The following ZFHX3 variants were observed in gnomAD, a reference collection of about 807,000 sequenced individuals.
ZFHX3 encodes the protein zinc finger homeobox protein 3.
A neutral mutation model predicts 279.1 loss-of-function variants in ZFHX3; 42 were observed. The observed-to-expected ratio is 0.15, with a 90% CI of 0.12 to 0.19. ZFHX3 has a LOEUF of 0.19. Ranked by LOEUF, ZFHX3 falls within the 10% of genes least tolerant of loss-of-function variation. The pLI is 1.00. For synonymous variants in ZFHX3, 2,293 were observed against 1,957.8 expected, an observed-to-expected ratio of 1.17 and a Z score of -4.52; for missense variants, 4,981 against 4,754.0, an observed-to-expected ratio of 1.05 and a Z score of -1.40.
intron 1 of ZFHX3, among the ~76,000 whole-genome samples, chr16:73,843,499 G>A (rs973565470): frequency 2.6e-5 from 4 of 152,168 alleles, no homozygotes; most frequent in Non-Finnish European, 4.4e-5. Context: ...GTCTTACAGC[G>A]GTGTAGAGAA....
intron 3 of ZFHX3, among the ~76,000 whole-genome samples, chr16:73,334,524 T>A (rs2015869483): frequency 6.6e-6 from 1 of 152,134 alleles, no homozygotes; most frequent in Non-Finnish European, 1.5e-5. Context: ...CTTCCCCTGC[T>A]GTCAACTTCC....
intron 2 of ZFHX3, among the ~76,000 whole-genome samples, chr16:73,483,059 C>G (rs1031106556): frequency 6.6e-6 from 1 of 152,196 alleles, no homozygotes; most frequent in Admixed American, 6.5e-5. Context: ...CCCTCTTCCC[C>G]CTCCATGGGG....
chr16:73,520,141 C>G lies in ZFHX3; in HGVS notation c.-1546-63883G>C, dbSNP rs144044960. On this transcript the variant is annotated intron_variant, in intron 2 of 17. Transcript: ENST00000641206. ...GTTTGAAATAGAAAAATGAGGCCTTCTTTAAGATAATGAACCCATTTTCAA... is the reference window on the plus strand; with the variant it reads ...GTTTGAAATAGAAAAATGAGGCCTTGTTTAAGATAATGAACCCATTTTCAA... Among the ~76,000 whole-genome samples, 449 of 152,218 alleles carry G rather than the reference C, an allele frequency of 2.9e-3. 1 individual carries two copies. The highest frequency in any genetic ancestry group is 4.4e-3 in the Non-Finnish European group (296 of 67,988).
chr16:73,355,662 G>T (rs778715522), intron 3 of ZFHX3, among the ~76,000 whole-genome samples: 1 of 152,210 alleles, frequency 6.6e-6, no homozygotes, highest in African/African-American at 2.4e-5. Context: ...AGGGAGGACA[G>T]ATCAAGGACC....
intron 3 of ZFHX3, among the ~76,000 whole-genome samples, chr16:73,351,743 TG>T (rs1226131804): frequency 6.6e-6 from 1 of 152,202 alleles, no homozygotes; most frequent in Non-Finnish European, 1.5e-5. Flanking sequence ...AAAGCCTTCT[TG>T]GCAGCACGGT....
intron 1 of ZFHX3, among the ~76,000 whole-genome samples, chr16:72,974,435 T>C (rs941801652): frequency 6.6e-6 from 1 of 152,006 alleles, no homozygotes; most frequent in Non-Finnish European, 1.5e-5. Flanking sequence ...AAACAAGGAG[T>C]GTGTTTTCCT....
chr16:73,448,935 T>A (rs1597339625), intron 3 of ZFHX3, among the ~76,000 whole-genome samples: 2 of 152,270 alleles, frequency 1.3e-5, no homozygotes, highest in East Asian at 3.9e-4. Context: ...GTCTTTTCCA[T>A]AACATCCAAA....
At position 73,645,447 on chromosome 16, in the gene ZFHX3, G is replaced by A. The variant is rs369119861; in HGVS notation, c.-1547+34733C>T. The stretch of plus-strand genomic sequence containing the variant: ...AATTTTTTGTATTTTTAGTAGAGAC[G>A]GGGTTTCACCATGTTAGCCAGGATG... On this transcript the variant is annotated intron_variant, in intron 2 of 17. Transcript: ENST00000641206. 1.0e-3 allele frequency among the ~76,000 whole-genome samples: 154 copies of A among 152,168 alleles called. 2 individuals carry two copies. The East Asian group carries it at 0.02, about 20-fold the overall frequency.
At chr16:73,564,980 C>T (rs74030113) in intron 2 of ZFHX3, among the ~76,000 whole-genome samples, 27 of 152,250 alleles carry the variant, frequency 1.8e-4, no homozygotes, top group African/African-American at 6.0e-4. Flanking sequence ...AGGCCAGGCA[C>T]GGTGGCTCAT....
At chr16:72,859,573 TAA>T (rs1292616287) in intron 4 of ZFHX3, among the ~76,000 whole-genome samples, 1 of 152,190 alleles carries the variant, frequency 6.6e-6, no homozygotes, top group East Asian at 1.9e-4. Flanking sequence ...TAGAGGGAAA[TAA>T]AGACGTTTAG....
At chr16:73,738,986 T>G (rs551145100) in intron 1 of ZFHX3, among the ~76,000 whole-genome samples, 3 of 152,228 alleles carry the variant, frequency 2.0e-5, no homozygotes, top group East Asian at 3.9e-4. Context: ...CAGACCAGAC[T>G]GTGGTGGTTC....
At position 72,787,950 on chromosome 16, in the gene ZFHX3, T is replaced by G; in HGVS notation, c.10326A>C (p.Pro3442=). Residue 3442 remains proline, a synonymous_variant, in exon 10 of 10, where the codon CCA becomes CCC. Transcript: ENST00000268489. ...SPLLPKLPEE[P]EAESKSADSL... ...AGTCCGCACTTTTGCTTTCTGCTTC[T>G]GGCTCTTCAGGGAGTTTCGGCAGGA... 1 of 1,613,778 alleles carries G rather than the reference T, an allele frequency of 6.2e-7. No individual in the cohort carries two copies. The highest frequency in any genetic ancestry group is 8.5e-7 in the Non-Finnish European group (1 of 1,179,942).
At chr16:73,805,005 A>T (rs914320329) in intron 1 of ZFHX3, among the ~76,000 whole-genome samples, 2 of 149,966 alleles carry the variant, frequency 1.3e-5, no homozygotes, top group African/African-American at 5.0e-5. Context: ...TTATTATATG[A>T]CTATTTATGG....
chr16:73,789,141 A>G (rs940681011), intron 1 of ZFHX3, among the ~76,000 whole-genome samples: 1 of 151,644 alleles, frequency 6.6e-6, no homozygotes, highest in Non-Finnish European at 1.5e-5. Context: ...ATAGATATCT[A>G]TCATATAGGT....
intron 5 of ZFHX3, among the ~76,000 whole-genome samples, chr16:73,227,384 T>C (rs2012628690): frequency 6.6e-6 from 1 of 152,212 alleles, no homozygotes; most frequent in African/African-American, 2.4e-5. Context: ...AGTGCAGAAC[T>C]TTCTACTTAT....
rs145629248 is a variant in ZFHX3 at position 72,887,856 on chromosome 16, G to A, written c.3448+1875C>T. ...TGAGCGTGGATGGAATGTGTAGGATGCAGAGAAAGTGTATGTGTGTGCGCG... is the reference window on the plus strand; with the variant it reads ...TGAGCGTGGATGGAATGTGTAGGATACAGAGAAAGTGTATGTGTGTGCGCG... On this transcript the variant is annotated intron_variant, in intron 4 of 9. Transcript: ENST00000268489. Among the ~76,000 whole-genome samples, 14 of 152,114 alleles carry A rather than the reference G, an allele frequency of 9.2e-5. No individual in the cohort carries two copies. In the East Asian group the frequency reaches 9.7e-4, roughly 11 times the overall value.
At chr16:73,546,988 C>A (rs931615262) in intron 2 of ZFHX3, among the ~76,000 whole-genome samples, 1 of 151,998 alleles carries the variant, frequency 6.6e-6, no homozygotes, top group Non-Finnish European at 1.5e-5. Flanking sequence ...GAGAATATAA[C>A]CACATTTTGT....
chr16:73,008,848 T>C (rs886145044), intron 1 of ZFHX3, among the ~76,000 whole-genome samples: 3 of 151,922 alleles, frequency 2.0e-5, no homozygotes, highest in Admixed American at 1.3e-4. Context: ...AAAACAATAA[T>C]CTCTAATTCT....
At chr16:73,062,172 G>T (rs762501765), upstream of ZFHX3, 8 of 152,098 alleles carry the variant, frequency 5.3e-5, no homozygotes, top group Non-Finnish European at 8.8e-5. Flanking sequence ...CTGTTTTTAA[G>T]ACATTTACAT....
Sources: gnomAD v4.1 joint callset for allele counts (sites outside exome capture counted in the v4.1 genomes callset) on GRCh38, gnomAD v4.1.1 for gene constraint, MANE v1.5 for transcripts, NCBI Gene and HGNC (gene_info 2026-07-23, HGNC 2026-07-21) for gene names.